CAMKMT: variants seen among roughly 807,000 people sequenced by gnomAD.
CAMKMT encodes calmodulin-lysine N-methyltransferase.
A neutral mutation model predicts 48.0 loss-of-function variants in CAMKMT; 53 were observed. That is an observed-to-expected ratio of 1.10 (90% CI 0.89 to 1.39). The LOEUF is 1.39. Among genes scored for constraint, CAMKMT ranks in the 40% most tolerant of loss-of-function variants. The pLI is 0.00. For synonymous variants in CAMKMT, 165 were observed against 152.3 expected (o/e 1.08, Z -0.61); for missense variants, 428 against 402.7 (o/e 1.06, Z -0.54).
chr2:44,597,965 G>A (rs1361347891), intron 3 of CAMKMT, among the ~76,000 whole-genome samples: 1 of 152,120 alleles, frequency 6.6e-6, no homozygotes, highest in East Asian at 1.9e-4. Flanking sequence ...TCGAACTCCT[G>A]ACCTTTTGAT....
intron 8 of CAMKMT, among the ~76,000 whole-genome samples, chr2:44,747,156 G>T (rs1679954667): frequency 6.6e-6 from 1 of 152,180 alleles, no homozygotes; most frequent in South Asian, 2.1e-4. Flanking sequence ...ACATTGGCCT[G>T]TAGCAACCCA....
chr2:44,489,082 G>A (rs904484192), intron 3 of CAMKMT, among the ~76,000 whole-genome samples: 1 of 151,952 alleles, frequency 6.6e-6, no homozygotes, highest in African/African-American at 2.4e-5. Flanking sequence ...GTCCAGGCTG[G>A]TTTCAAACTT....
chr2:44,683,526 A>T (rs1337527514), intron 3 of CAMKMT, among the ~76,000 whole-genome samples: 2 of 152,184 alleles, frequency 1.3e-5, no homozygotes, highest in Non-Finnish European at 2.9e-5. Context: ...GCACCTATGA[A>T]AAACAGTAAC....
intron 3 of CAMKMT, among the ~76,000 whole-genome samples, chr2:44,561,423 T>C (rs1481552577): frequency 1.3e-5 from 2 of 152,222 alleles, no homozygotes; most frequent in Non-Finnish European, 2.9e-5. Context: ...TAGATAAATA[T>C]ATTCTGAACA....
chr2:44,673,484 A>AGGAG (rs1675467394), intron 3 of CAMKMT, among the ~76,000 whole-genome samples: 1 of 128,054 alleles, frequency 7.8e-6, no homozygotes, highest in Non-Finnish European at 1.7e-5. Context: ...GAAGGAAGGA[A>AGGAG]GGAAGGAAGG....
intron 3 of CAMKMT, among the ~76,000 whole-genome samples, chr2:44,392,633 A>G (rs1188928970): frequency 2.0e-5 from 3 of 152,092 alleles, no homozygotes; most frequent in African/African-American, 4.8e-5. Flanking sequence ...TTTACCATGT[A>G]GACATATAAA....
chr2:44,407,504 C>G (rs1215494841), intron 3 of CAMKMT, among the ~76,000 whole-genome samples: 1 of 152,118 alleles, frequency 6.6e-6, no homozygotes, highest in Admixed American at 6.5e-5. Context: ...TGTCTTTTGC[C>G]TAGTGTCAGG....
At chr2:44,574,656 G>A (rs1669107642) in intron 3 of CAMKMT, among the ~76,000 whole-genome samples, 1 of 151,176 alleles carries the variant, frequency 6.6e-6, no homozygotes, top group African/African-American at 2.4e-5. Flanking sequence ...GACTGAGGTT[G>A]CGTTGACTTA....
chr2:44,658,923 A>G (rs1026430681), intron 3 of CAMKMT, among the ~76,000 whole-genome samples: 1 of 152,062 alleles, frequency 6.6e-6, no homozygotes, highest in African/African-American at 2.4e-5. Flanking sequence ...CTTTCCTCAA[A>G]TAGGGTTTCA....
At chr2:44,619,927 C>T (rs945097485) in intron 3 of CAMKMT, among the ~76,000 whole-genome samples, 1 of 152,136 alleles carries the variant, frequency 6.6e-6, no homozygotes. Context: ...GGCCAGAACC[C>T]CATGTAATCA....
chr2:44,455,504 C>T (rs1322433589), intron 3 of CAMKMT, among the ~76,000 whole-genome samples: 3 of 152,126 alleles, frequency 2.0e-5, no homozygotes, highest in African/African-American at 7.2e-5. Context: ...TTCATTGCAG[C>T]TGTAAGAATT....
chr2:44,561,008 T>C (rs1336573131), intron 3 of CAMKMT, among the ~76,000 whole-genome samples: 1 of 152,240 alleles, frequency 6.6e-6, no homozygotes, highest in East Asian at 1.9e-4. Flanking sequence ...CAGGAATTGA[T>C]AAGTATAGCT....
chr2:44,711,661 T>C (rs1677885959), intron 6 of CAMKMT, among the ~76,000 whole-genome samples: 1 of 152,160 alleles, frequency 6.6e-6, no homozygotes, highest in Non-Finnish European at 1.5e-5. Flanking sequence ...AAAGTGTAAC[T>C]GCCAAACCTC....
intron 9 of CAMKMT, among the ~76,000 whole-genome samples, chr2:44,755,304 G>A (rs537074873): frequency 1.1e-4 from 16 of 152,070 alleles, no homozygotes; most frequent in African/African-American, 3.1e-4. Flanking sequence ...AGCTATTGAC[G>A]GCCACTGCAT....
At chr2:44,591,497 T>C (rs1341608709) in intron 3 of CAMKMT, among the ~76,000 whole-genome samples, 2 of 152,156 alleles carry the variant, frequency 1.3e-5, no homozygotes, top group African/African-American at 4.8e-5. Flanking sequence ...TTCCTAGGTA[T>C]TTTATTCTCT....
At chr2:44,380,319 T>A (rs1226768241) in intron 2 of CAMKMT, among the ~76,000 whole-genome samples, 2 of 152,026 alleles carry the variant, frequency 1.3e-5, no homozygotes, top group Non-Finnish European at 2.9e-5. Flanking sequence ...AGGACAAAGA[T>A]AGAGTGAACT....
At chr2:44,705,228 A>T (rs1309837707) in intron 4 of CAMKMT, 1 of 316,544 alleles carries the variant, frequency 3.2e-6, no homozygotes, top group African/African-American at 2.2e-5. Context: ...GTTTTGAAAT[A>T]TTAATGTCCT....
At chr2:44,693,166 A>G (rs548367458) in intron 3 of CAMKMT, among the ~76,000 whole-genome samples, 19 of 152,162 alleles carry the variant, frequency 1.2e-4, no homozygotes, top group Non-Finnish European at 1.9e-4. Flanking sequence ...CCTCCTGCCT[A>G]GTTTCTCCCT....
At chr2:44,397,016 A>G (rs1085444) in intron 3 of CAMKMT, among the ~76,000 whole-genome samples, 111,179 of 149,042 alleles carry the variant, frequency 0.75, 42,452 homozygotes, top group African/African-American at 0.87. Flanking sequence ...CCGAGATTGC[A>G]CCACTGCCCT....
Sources: gnomAD v4.1 joint callset for allele counts (sites outside exome capture counted in the v4.1 genomes callset) on GRCh38, gnomAD v4.1.1 for gene constraint, MANE v1.5 for transcripts, NCBI Gene and HGNC (gene_info 2026-07-23, HGNC 2026-07-21) for gene names.